The following MAP1B variants were observed in gnomAD, a reference collection of about 807,000 sequenced individuals.
MAP1B encodes microtubule-associated protein 1B.
Under a neutral mutation model 176.1 loss-of-function variants are expected in MAP1B, and 12 were observed. The observed-to-expected ratio is 0.07, with a 90% CI of 0.04 to 0.11. The LOEUF (loss-of-function observed/expected upper bound fraction) is 0.11, where lower values mean the gene tolerates loss of function less well. MAP1B is among the 10% of genes least tolerant of loss of function. The probability of loss-of-function intolerance (pLI) is 1.00; values close to 1 mark genes in which losing one functional copy is unlikely to be tolerated. For synonymous variants in MAP1B, 1,044 were observed against 1,135.0 expected, an observed-to-expected ratio of 0.92 and a Z score of 1.61; for missense variants, 2,523 against 2,990.5, an observed-to-expected ratio of 0.84 and a Z score of 3.65.
chr5:72,143,352 G>A (rs1480572101), intron 2 of MAP1B, among the ~76,000 whole-genome samples: 2 of 152,156 alleles, frequency 1.3e-5, no homozygotes, highest in Non-Finnish European at 2.9e-5. Flanking sequence ...GTGAGGCCTT[G>A]TTTAAGTACC....
chr5:72,121,386 T>C lies in MAP1B; in HGVS notation c.286+5587T>C, dbSNP rs185733233. Among the ~76,000 whole-genome samples the C allele has an allele frequency of 3.3e-5, 5 of 152,358 alleles. 1 individual carries two copies. Among genetic ancestry groups the C allele is most frequent in the African/African-American group, 1.2e-4 (5 of 41,590 alleles). On this transcript the variant is annotated intron_variant, in intron 2 of 6. Coordinates refer to ENST00000296755, the MANE Select transcript of MAP1B (RefSeq NM_005909.5). ...TGATATATTTACATTTTGTCACTAG[T>C]TTTATAACATCTAGATCACATTCAC...
chr5:72,203,119 A>G (rs1329405957), intron 5 of MAP1B, among the ~76,000 whole-genome samples: 1 of 152,238 alleles, frequency 6.6e-6, no homozygotes, highest in Non-Finnish European at 1.5e-5. Flanking sequence ...AGACCCTAAA[A>G]TAGAGCACTA....
intron 2 of MAP1B, among the ~76,000 whole-genome samples, chr5:72,144,358 C>A (rs1196780773): frequency 6.6e-6 from 1 of 152,136 alleles, no homozygotes; most frequent in East Asian, 1.9e-4. Context: ...ATTTTGCCTG[C>A]TCAGAGGCTT....
In MAP1B at chr5:72,196,481, A is replaced by G; in HGVS notation, c.3126A>G (p.Glu1042=). 6.2e-7 allele frequency: 1 copy of G among 1,613,816 alleles called. No homozygotes were observed. Among genetic ancestry groups the G allele is most frequent in the Non-Finnish European group, 8.5e-7 (1 of 1,180,018 alleles). ...EEYEPEKMEA[E]DYVMAVVDKA... ...ATGAGCCGGAAAAAATGGAAGCTGA[A>G]GACTATGTGATGGCTGTGGTCGACA... Residue 1042 remains glutamate (E), a synonymous_variant, in exon 5 of 7, where the codon GAA becomes GAG. Coordinates refer to ENST00000296755, the MANE Select transcript of MAP1B (RefSeq NM_005909.5). The surrounding 1 kb of genome is among the most constrained non-coding windows in gnomAD (Gnocchi z 5.3).
chr5:72,207,121 C>A lies in MAP1B; in HGVS notation c.*1882C>A, dbSNP rs1747469692. 6.6e-6 allele frequency: 1 copy of A among 152,186 alleles called. No homozygotes were observed. The highest frequency in any genetic ancestry group is 1.5e-5 in the Non-Finnish European group (1 of 68,036). The allele number at this position is 152,186 out of a possible 1,614,324, so 9.4% of individuals were successfully genotyped here. The stretch of plus-strand genomic sequence containing the variant: ...TAGAGAAAATTTCCATCATTGTCAT[C>A]ATTGAACTGTGAACCTGGGAAGCCA... On this transcript the variant is annotated 3_prime_UTR_variant, in exon 7 of 7. Transcript: ENST00000296755.
At chr5:72,164,849 A>G (rs180952631) in intron 2 of MAP1B, among the ~76,000 whole-genome samples, 43 of 152,206 alleles carry the variant, frequency 2.8e-4, no homozygotes, top group African/African-American at 9.1e-4. Flanking sequence ...AACAATTTTA[A>G]TATTTATTTG....
At chr5:72,193,360 TGCC>T in intron 4 of MAP1B, 3 of 295,338 alleles carry the variant, frequency 1.0e-5, no homozygotes, top group South Asian at 2.6e-5. Flanking sequence ...TTTTTTTTTT[TGCC>T]AAGTCTAGTG....
intron 4 of MAP1B, among the ~76,000 whole-genome samples, chr5:72,188,895 A>G (rs1020325147): frequency 2.6e-5 from 4 of 152,174 alleles, no homozygotes; most frequent in Non-Finnish European, 4.4e-5. Flanking sequence ...CCACAAAGAA[A>G]GGATGCCACA....
chr5:72,182,831 A>C (rs991423783), intron 2 of MAP1B, among the ~76,000 whole-genome samples: 4 of 152,094 alleles, frequency 2.6e-5, no homozygotes, highest in Non-Finnish European at 5.9e-5. Context: ...GAGAACACCC[A>C]CTTCCCTGTC....
rs1400869602 is a variant in MAP1B at position 72,206,833 on chromosome 5, C to T, written c.*1594C>T. 1 of 151,950 alleles carries T rather than the reference C, an allele frequency of 6.6e-6. No homozygotes were observed. The highest frequency in any genetic ancestry group is 2.4e-5 in the African/African-American group (1 of 41,330). 9.4% of individuals were successfully genotyped at this position (151,950 alleles called of 1,614,324 possible). A position where few individuals can be genotyped will look rare whatever the true frequency, so the allele number is the denominator to read the frequency against. ...ACCAGGAATAATGATACCTCCCACC[C>T]CTTGATTCCCATAACATAAAAGTGC... On this transcript the variant is annotated 3_prime_UTR_variant, in exon 7 of 7. Transcript: ENST00000296755.
chr5:72,197,148 T>C lies in MAP1B; in HGVS notation c.3793T>C (p.Ser1265Pro). Residue 1265 changes from serine (S) to proline (P), a missense_variant, in exon 5 of 7, where the codon TCA (serine) becomes CCA (proline). Ser to Pro is a moderately conservative substitution (Grantham distance 74). This residue lies in a region of MAP1B where 1,925 missense variants were observed against 2,126.0 expected (regional missense o/e 0.91). Transcript: ENST00000296755. The stretch of plus-strand genomic sequence containing the variant: ...CCCGTCCCTGAGTCCATCTCCACCA[T>C]CACCCTTAGAAAAGACCCCCCTGGG... The part of the protein sequence containing the change: ...KSPSLSPSPP[S>P]PLEKTPLGER... 6.2e-7 allele frequency: 1 copy of C among 1,614,182 alleles called. No homozygotes were observed. The highest frequency in any genetic ancestry group is 8.5e-7 in the Non-Finnish European group (1 of 1,180,022).
chr5:72,134,923 T>C (rs1387784157), intron 2 of MAP1B, among the ~76,000 whole-genome samples: 1 of 148,508 alleles, frequency 6.7e-6, no homozygotes, highest in East Asian at 2.0e-4. Context: ...TCATTCCTTA[T>C]GTCTCAGGGT....
intron 2 of MAP1B, among the ~76,000 whole-genome samples, chr5:72,147,896 C>T (rs185044357): frequency 4.6e-5 from 7 of 152,170 alleles, no homozygotes; most frequent in South Asian, 2.1e-4. Context: ...GCCTTCTTAC[C>T]GGATCCAAGT....
At chr5:72,182,708 T>G (rs1323783238) in intron 2 of MAP1B, among the ~76,000 whole-genome samples, 2 of 152,218 alleles carry the variant, frequency 1.3e-5, no homozygotes, top group African/African-American at 2.4e-5. Flanking sequence ...GGTGTCTGCC[T>G]CTCTCAGATT....
chr5:72,173,008 A>T (rs1746576313), intron 2 of MAP1B, among the ~76,000 whole-genome samples: 2 of 152,158 alleles, frequency 1.3e-5, no homozygotes, highest in Non-Finnish European at 1.5e-5. Context: ...GATACTGAAC[A>T]CCTGGTCTCC....
At chr5:72,114,803 C>A (rs1251341827) in intron 1 of MAP1B, among the ~76,000 whole-genome samples, 2 of 152,144 alleles carry the variant, frequency 1.3e-5, no homozygotes, top group African/African-American at 4.8e-5. Flanking sequence ...CAGGAAGCTG[C>A]CCTCATCCCG....
chr5:72,147,235 C>T (rs896556082), intron 2 of MAP1B, among the ~76,000 whole-genome samples: 2 of 152,090 alleles, frequency 1.3e-5, no homozygotes, highest in African/African-American at 2.4e-5. Context: ...TCCCAAAGTG[C>T]TGGGATTACA....
Position 72,107,497 on chromosome 5 carries a change from G to A in MAP1B, c.-35G>A, listed in dbSNP as rs767198388. 20 of 1,525,122 alleles carry A rather than the reference G, an allele frequency of 1.3e-5. No homozygotes were observed. In the South Asian group the frequency reaches 2.3e-4, roughly 17 times the overall value. The allele number at this position is 1,525,122 out of a possible 1,614,324, so 94.5% of individuals were successfully genotyped here. Reference sequence around the variant, plus strand: ...GCCGCAGTGGAGAGGAGCGGCCGGAGCGAGACACTTCGCCGAGGCACAGCA... The same window carrying A: ...GCCGCAGTGGAGAGGAGCGGCCGGAACGAGACACTTCGCCGAGGCACAGCA... On this transcript the variant is annotated 5_prime_UTR_variant, in exon 1 of 7. Transcript: ENST00000296755.
At chr5:72,193,399 G>A (rs1388383764) in intron 4 of MAP1B, 2 of 294,982 alleles carry the variant, frequency 6.8e-6, no homozygotes, top group Non-Finnish European at 1.3e-5. Context: ...TTTTTTATTA[G>A]TGGTGAAATG....
Sources: allele counts gnomAD v4.1 joint callset (sites outside exome capture counted in the v4.1 genomes callset), GRCh38; gene constraint gnomAD v4.1.1; regional missense constraint gnomAD v4.1.1; non-coding constraint Gnocchi (gnomAD v3.1); transcripts MANE v1.5; gene names NCBI Gene and HGNC (gene_info 2026-07-23, HGNC 2026-07-21).